UBR4: variants seen among roughly 807,000 people sequenced by gnomAD.
UBR4 encodes the protein ubiquitin protein ligase E3 component n-recognin 4, also known as E3 ubiquitin-protein ligase UBR4.
In UBR4, 124 loss-of-function variants were observed where a neutral mutation model predicts 575.6. That is an observed-to-expected ratio of 0.22 (90% CI 0.19 to 0.25). UBR4 has a LOEUF of 0.25. UBR4 is among the 10% of genes least tolerant of loss of function. The pLI is 1.00. For synonymous variants in UBR4, 2,455 were observed against 2,473.7 expected, an observed-to-expected ratio of 0.99 and a Z score of 0.22; for missense variants, 4,818 against 6,478.8, an observed-to-expected ratio of 0.74 and a Z score of 8.80.
At chr1:19,099,533 G>A (rs914683824) in intron 90 of UBR4, 64 bp downstream of exon 90, 23 of 1,433,066 alleles carry the variant, frequency 1.6e-5, no homozygotes, top group Non-Finnish European at 2.1e-5. Flanking sequence ...GGCTCCTGCT[G>A]GTACAAGTCT....
chr1:19,114,768 G>A lies in UBR4; in HGVS notation c.11202+43C>T, dbSNP rs371681583. On this transcript the variant is annotated intron_variant, in intron 75 of 105. Coordinates refer to ENST00000375254, the MANE Select transcript of UBR4 (RefSeq NM_020765.3). The stretch of plus-strand genomic sequence containing the variant: ...CTGCACCAGGTCTGCCCAAAGTCCA[G>A]ATCAAGGCCACAGCCCTGAGTCTAG... 3.9e-5 allele frequency: 63 copies of A among 1,610,346 alleles called. No homozygotes were observed. The African/African-American group carries it at 7.9e-4, about 20-fold the overall frequency.
intron 33 of UBR4, among the ~76,000 whole-genome samples, 156 bp downstream of exon 33, chr1:19,164,097 A>C (rs534740183): frequency 6.6e-6 from 1 of 152,224 alleles, no homozygotes; most frequent in African/African-American, 2.4e-5. Flanking sequence ...GATGAAGTCT[A>C]AAGTGAACAG....
In UBR4 at chr1:19,198,008, G is replaced by C; in HGVS notation, c.690C>G (p.Ala230=). The C allele has an allele frequency of 6.2e-7, 1 of 1,614,080 alleles. No individual in the cohort carries two copies. ...ENDEQSSTDQ[A]SAIKTKNVFI... ...ACACATTCTTGGTTTTGATAGCTGA[G>C]GCTTGATCTGTAGATGACTGCTCAT... Residue 230 remains alanine, a synonymous_variant, in exon 6 of 106, where the codon GCC becomes GCG. Coordinates refer to ENST00000375254, the MANE Select transcript of UBR4 (RefSeq NM_020765.3).
intron 25 of UBR4, 50 bp from the exon 26 acceptor site, chr1:19,170,933 A>G: frequency 3.1e-6 from 5 of 1,613,166 alleles, no homozygotes; most frequent in Non-Finnish European, 4.2e-6. Context: ...TAATCCCACC[A>G]GTTAGGAAAA....
intron 103 of UBR4, chr1:19,079,213 A>T (rs2148472104): frequency 6.6e-6 from 1 of 152,338 alleles, no homozygotes; most frequent in Middle Eastern, 3.4e-3. Flanking sequence ...CTAGCATGAG[A>T]CAGGCTATCC....
At position 19,187,538 on chromosome 1, in the gene UBR4, T is replaced by C. The variant is rs769074178; in HGVS notation, c.1397A>G (p.His466Arg). ...TACTGAGAGTACCCCAAATCCCTGA[T>C]GCCTACACAAAGAAAAAGGAAAACA... ...GSPKLGPGKGHQGFGVLSVIL... is the reference protein window; with the variant it reads ...GSPKLGPGKGRQGFGVLSVIL... Residue 466 changes from histidine (H) to arginine (R), a missense_variant and splice_region_variant, in exon 12 of 106, where the codon CAT becomes CGT. Physicochemically the swap from His to Arg is conservative, Grantham distance 29. Transcript: ENST00000375254. The C allele has an allele frequency of 2.5e-6, 4 of 1,613,132 alleles. No individual in the cohort carries two copies. Among genetic ancestry groups the C allele is most frequent in the African/African-American group, 2.7e-5 (2 of 74,888 alleles).
chr1:19,187,401 G>A lies in UBR4; in HGVS notation c.1494+40C>T, dbSNP rs140909502. 8.2e-4 allele frequency: 1,315 copies of A among 1,611,670 alleles called. 16 individuals are homozygous for A. In the African/African-American group the frequency reaches 0.015, roughly 19 times the overall value. ...GCTTGCTTGGCCAGAAGTGGATCCC[G>A]CAATCAATATGCTGATTACCATGGG... On this transcript the variant is annotated intron_variant, in intron 12 of 105. Coordinates refer to ENST00000375254, the MANE Select transcript of UBR4 (RefSeq NM_020765.3).
chr1:19,083,155 G>A (rs1019923169), intron 102 of UBR4, among the ~76,000 whole-genome samples: 1 of 152,178 alleles, frequency 6.6e-6, no homozygotes, highest in Non-Finnish European at 1.5e-5. Context: ...CACTGAGAAG[G>A]AGCGAAATTT....
chr1:19,138,157 C>T lies in UBR4; in HGVS notation c.8756G>A (p.Gly2919Asp). ...CGGATGCCCCTCAGCTGTAGCATCG[C>T]CATAAGCACTGCTCCGGCCAGATAC... The part of the protein sequence containing the change: ...HSVSGRSSAY[G>D]DATAEGHPAG... The change falls in exon 60 of 106, where the codon GGC becomes GAC. Residue 2919 changes from glycine to aspartate, a missense_variant. Gly to Asp is a moderately conservative substitution (Grantham distance 94). Coordinates refer to ENST00000375254, the MANE Select transcript of UBR4 (RefSeq NM_020765.3). 1 of 1,567,294 alleles carries T rather than the reference C, an allele frequency of 6.4e-7. No homozygotes were observed. The highest frequency in any genetic ancestry group is 1.2e-5 in the South Asian group (1 of 83,806).
chr1:19,177,517 T>C lies in UBR4; in HGVS notation c.2581A>G (p.Ile861Val), dbSNP rs1252876394. 1 of 1,613,824 alleles carries C rather than the reference T, an allele frequency of 6.2e-7. No individual in the cohort carries two copies. The highest frequency in any genetic ancestry group is 1.3e-5 in the African/African-American group (1 of 74,828). The change falls in exon 19 of 106, where the codon ATC becomes GTC. Residue 861 changes from isoleucine (I) to valine (V), a missense_variant. Coordinates refer to ENST00000375254, the MANE Select transcript of UBR4 (RefSeq NM_020765.3). ...TACTGATGAAGCAGATAATCAAAGA[T>C]GAGAAGGAGGCGAGCCAAGATAAGC... The part of the protein sequence containing the change: ...VPLILARLLL[I>V]FDYLLHQYSK...
chr1:19,100,206 A>T lies in UBR4; in HGVS notation c.13221+170T>A. ...CCCTTTACAGGTTATTAACCTTAGCACTAGGTGAGGTAGAAAGGTGGGAAT... is the reference window on the plus strand; with the variant it reads ...CCCTTTACAGGTTATTAACCTTAGCTCTAGGTGAGGTAGAAAGGTGGGAAT... On this transcript the variant is annotated intron_variant, in intron 89 of 105. Coordinates refer to ENST00000375254, the MANE Select transcript of UBR4 (RefSeq NM_020765.3). This position sits in a 1 kb window ranked among gnomAD's most constrained non-coding sequence, Gnocchi z 4.2. 1 of 671,552 alleles carries T rather than the reference A, an allele frequency of 1.5e-6. No homozygotes were observed. Among genetic ancestry groups the T allele is most frequent in the African/African-American group, 1.8e-5 (1 of 55,534 alleles). The allele number at this position is 671,552 out of a possible 1,614,324, so 41.6% of individuals were successfully genotyped here.
chr1:19,172,834 G>A (rs745602079), intron 25 of UBR4, 30 bp downstream of exon 25: 96 of 1,585,058 alleles, frequency 6.1e-5, no homozygotes, highest in Non-Finnish European at 7.5e-5. Context: ...AAGAGTGCAT[G>A]TGCATCTCTG....
In UBR4 at chr1:19,110,523, T is replaced by C. The variant is rs1012524170; in HGVS notation, c.11893-59A>G. 1.3e-6 allele frequency: 2 copies of C among 1,543,054 alleles called. No homozygotes were observed. The highest frequency in any genetic ancestry group is 2.7e-5 in the African/African-American group (2 of 73,390). ...GGGTCAGCTCCGGTCCAGCGACTCT[T>C]AACTATTAATACAATTTCTGGTCCT... On this transcript the variant is annotated intron_variant, in intron 79 of 105. Transcript: ENST00000375254. The surrounding 1 kb of genome is among the most constrained non-coding windows in gnomAD (Gnocchi z 4.5).
At position 19,074,780 on chromosome 1, in the gene UBR4, G is replaced by A. The variant is rs775144337; in HGVS notation, c.*52C>T. 5 of 1,594,164 alleles carry A rather than the reference G, an allele frequency of 3.1e-6. No homozygotes were observed. Among genetic ancestry groups the A allele is most frequent in the Non-Finnish European group, 4.3e-6 (5 of 1,164,760 alleles). Reference sequence around the variant, plus strand: ...TTAATGCACAAGGAGGGAGAACAGAGGGTGGAAGGCAAGCCAGCTTCGTCT... The same window carrying A: ...TTAATGCACAAGGAGGGAGAACAGAAGGTGGAAGGCAAGCCAGCTTCGTCT... On this transcript the variant is annotated 3_prime_UTR_variant, in exon 106 of 106. Coordinates refer to ENST00000375254, the MANE Select transcript of UBR4 (RefSeq NM_020765.3).
rs987765335 is a variant in UBR4, at chr1:19,093,704, C to T, written c.13938-218G>A. On this transcript the variant is annotated intron_variant, in intron 95 of 105. Coordinates refer to ENST00000375254, the MANE Select transcript of UBR4 (RefSeq NM_020765.3). This position sits in a 1 kb window ranked among gnomAD's most constrained non-coding sequence, Gnocchi z 4.8. ...TCTCTTGCACTCACATTTGCGCACA[C>T]GTGGCTCCATCTCGTCATATTCCTC... 2.0e-5 allele frequency among the ~76,000 whole-genome samples: 3 copies of T among 152,188 alleles called. No homozygotes were observed. Among genetic ancestry groups the T allele is most frequent in the Admixed American group, 6.5e-5 (1 of 15,288 alleles).
At chr1:19,075,347 C>T (rs573621638) in intron 105 of UBR4, 1 of 217,560 alleles carries the variant, frequency 4.6e-6, no homozygotes, top group East Asian at 1.3e-4. Flanking sequence ...TGCCCACCTC[C>T]TCCTCCTCTC....
At chr1:19,190,312 A>AAAAAAAATATATATATATATAT in intron 11 of UBR4, among the ~76,000 whole-genome samples, 16 of 79,894 alleles carry the variant, frequency 2.0e-4, no homozygotes, top group African/African-American at 5.3e-4. Flanking sequence ...AAAAAAAAAA[A>AAAAAAAATATATATATATATAT]ATATATATAT....
intron 104 of UBR4, 27 bp downstream of exon 104, chr1:19,077,949 C>G: frequency 6.2e-7 from 1 of 1,613,610 alleles, no homozygotes; most frequent in African/African-American, 1.3e-5. Context: ...TTGCCAAAAC[C>G]CACTGGGCCT....
Position 19,203,730 on chromosome 1 carries a change from G to C in UBR4, c.177-1915C>G, listed in dbSNP as rs17397875. ...CAAGGATAAATGGGTATGTATCAAAGATTAGTCCCTTAGAATAACTCCTTC... is the reference window on the plus strand; with the variant it reads ...CAAGGATAAATGGGTATGTATCAAACATTAGTCCCTTAGAATAACTCCTTC... On this transcript the variant is annotated intron_variant, in intron 1 of 105. Coordinates refer to ENST00000375254, the MANE Select transcript of UBR4 (RefSeq NM_020765.3). Among the ~76,000 whole-genome samples, 56 of 152,252 alleles carry C rather than the reference G, an allele frequency of 3.7e-4. 1 individual carries two copies. In the East Asian group the frequency reaches 9.1e-3, roughly 25 times the overall value.
Sources: allele counts gnomAD v4.1 joint callset (sites outside exome capture counted in the v4.1 genomes callset), GRCh38; gene constraint gnomAD v4.1.1; non-coding constraint Gnocchi (gnomAD v3.1); transcripts MANE v1.5; gene names NCBI Gene and HGNC (gene_info 2026-07-23, HGNC 2026-07-21).